DLGAP1: variants seen among roughly 807,000 people sequenced by gnomAD.
DLGAP1 encodes DLG associated protein 1, also known as disks large-associated protein 1.
In DLGAP1, 11 loss-of-function variants were observed where a neutral mutation model predicts 90.8. The observed-to-expected ratio is 0.12, with a 90% confidence interval of 0.08 to 0.20. The LOEUF (loss-of-function observed/expected upper bound fraction) is 0.20. DLGAP1 is among the 10% of genes least tolerant of loss of function. The pLI is 1.00. For missense variants in DLGAP1, 1,050 were observed against 1,333.8 expected (o/e 0.79, Z 3.31); for synonymous variants, 558 against 540.7 (o/e 1.03, Z -0.44).
chr18:3,916,331 G>A (rs1428429922), intron 3 of DLGAP1, among the ~76,000 whole-genome samples: 2 of 152,158 alleles, frequency 1.3e-5, no homozygotes, highest in Non-Finnish European at 2.9e-5. Context: ...AGGACAGCAC[G>A]TGCAATCCCA....
chr18:4,310,461 C>T (rs2080372637), intron 1 of DLGAP1, among the ~76,000 whole-genome samples: 1 of 152,172 alleles, frequency 6.6e-6, no homozygotes, highest in African/African-American at 2.4e-5. Context: ...AGTTCAATTT[C>T]CACTTCTTCA....
intron 1 of DLGAP1, among the ~76,000 whole-genome samples, chr18:4,381,725 G>A (rs1770707160): frequency 6.6e-6 from 1 of 152,098 alleles, no homozygotes; most frequent in Non-Finnish European, 1.5e-5. Flanking sequence ...ATGTTTAGGA[G>A]ATCTTTCTTG....
At chr18:4,229,946 A>C (rs1048555596) in intron 1 of DLGAP1, among the ~76,000 whole-genome samples, 14 of 152,110 alleles carry the variant, frequency 9.2e-5, no homozygotes, top group African/African-American at 3.1e-4. Context: ...CATAGGAAGA[A>C]AGTCTAATAA....
At chr18:3,875,727 C>G (rs1050454732) in intron 4 of DLGAP1, among the ~76,000 whole-genome samples, 1 of 152,176 alleles carries the variant, frequency 6.6e-6, no homozygotes, top group African/African-American at 2.4e-5. Flanking sequence ...AGTCCTGGGA[C>G]TTCCAATTCT....
At chr18:3,949,122 A>C (rs1183439004) in intron 3 of DLGAP1, among the ~76,000 whole-genome samples, 1 of 152,144 alleles carries the variant, frequency 6.6e-6, no homozygotes, top group African/African-American at 2.4e-5. Flanking sequence ...ACCTTCATAC[A>C]TGATATCATT....
At chr18:3,585,571 T>C (rs2055829563) in intron 7 of DLGAP1, among the ~76,000 whole-genome samples, 1 of 152,228 alleles carries the variant, frequency 6.6e-6, no homozygotes, top group African/African-American at 2.4e-5. Flanking sequence ...TATTCCAACA[T>C]CAAATGTCTG....
At chr18:4,111,991 G>GT (rs1406429229) in intron 2 of DLGAP1, among the ~76,000 whole-genome samples, 1 of 150,724 alleles carries the variant, frequency 6.6e-6, no homozygotes, top group Non-Finnish European at 1.5e-5. Flanking sequence ...TTTAACTTTA[G>GT]TTTTTTTCCT....
At chr18:3,983,400 A>G (rs1398620793) in intron 3 of DLGAP1, 1 of 152,188 alleles carries the variant, frequency 6.6e-6, no homozygotes, top group African/African-American at 2.4e-5. Flanking sequence ...TGTACTCACT[A>G]TGTGTCAGTA....
intron 1 of DLGAP1, among the ~76,000 whole-genome samples, chr18:4,221,660 A>G (rs1317969098): frequency 6.6e-6 from 1 of 152,174 alleles, no homozygotes; most frequent in Non-Finnish European, 1.5e-5. Flanking sequence ...CGGTAGTTTG[A>G]GCACAAAATC....
intron 1 of DLGAP1, among the ~76,000 whole-genome samples, chr18:4,168,891 C>A (rs2076978302): frequency 6.6e-6 from 1 of 152,098 alleles, no homozygotes; most frequent in South Asian, 2.1e-4. Flanking sequence ...GCTCTCATTT[C>A]TTTTAAAGGC....
At chr18:3,895,298 C>T (rs1379920414) in intron 3 of DLGAP1, among the ~76,000 whole-genome samples, 1 of 150,668 alleles carries the variant, frequency 6.6e-6, no homozygotes, top group Non-Finnish European at 1.5e-5. Context: ...CACACACACA[C>T]ACACACACAC....
intron 1 of DLGAP1, among the ~76,000 whole-genome samples, chr18:4,160,917 C>T (rs941785071): frequency 2.0e-5 from 3 of 151,952 alleles, no homozygotes; most frequent in South Asian, 4.1e-4. Context: ...TAAGAGATTA[C>T]GTTACTTAGC....
At chr18:4,000,838 C>A (rs1479480446) in intron 3 of DLGAP1, among the ~76,000 whole-genome samples, 2 of 152,146 alleles carry the variant, frequency 1.3e-5, no homozygotes, top group Admixed American at 6.5e-5. Context: ...GCCAAAAAAA[C>A]CTTTTTTCTT....
At chr18:3,778,669 G>A (rs961677873) in intron 5 of DLGAP1, among the ~76,000 whole-genome samples, 17 of 152,184 alleles carry the variant, frequency 1.1e-4, no homozygotes, top group African/African-American at 4.1e-4. Flanking sequence ...AAGCACCAGA[G>A]TGGATGACTT....
chr18:3,877,832 T>G (rs942475840), intron 4 of DLGAP1, among the ~76,000 whole-genome samples: 2 of 152,242 alleles, frequency 1.3e-5, no homozygotes, highest in African/African-American at 4.8e-5. Flanking sequence ...CTTATTAACA[T>G]GTAGCAACCT....
At position 3,575,592 on chromosome 18, in the gene DLGAP1, G is replaced by C. The variant is rs138942342; in HGVS notation, c.1965+6283C>G. Among the ~76,000 whole-genome samples, 17 of 152,312 alleles carry C rather than the reference G, an allele frequency of 1.1e-4. No individual in the cohort carries two copies. In the East Asian group the frequency reaches 1.7e-3, roughly 16 times the overall value. On this transcript the variant is annotated intron_variant, in intron 8 of 12. Coordinates refer to ENST00000315677, the MANE Select transcript of DLGAP1 (RefSeq NM_004746.4). ...AGGAATACGAGGTGGGAGTGGGAAA[G>C]AAGGGGAAATCTCATATTTTGCTCT...
Position 3,879,973 on chromosome 18 carries a change from G to A in DLGAP1, c.96C>T (p.Tyr32=), listed in dbSNP as rs2071108882. 1 of 1,612,578 alleles carries A rather than the reference G, an allele frequency of 6.2e-7. No homozygotes were observed. Among genetic ancestry groups the A allele is most frequent in the African/African-American group, 1.3e-5 (1 of 74,950 alleles). The change falls in exon 4 of 13, where the codon TAC becomes TAT. Residue 32 remains tyrosine (Y), a synonymous_variant. Coordinates refer to ENST00000315677, the MANE Select transcript of DLGAP1 (RefSeq NM_004746.4). The surrounding 1 kb of genome is among the most constrained non-coding windows in gnomAD (Gnocchi z 6.6). ...SLSHHSDRKP[Y]LLSPVEHHPA... is the part of the protein sequence containing the mutation. ...GGTGGTGCTCCACTGGGCTCAGCAG[G>A]TAGGGCTTGCGGTCGGAGTGGTGCG...
intron 10 of DLGAP1, among the ~76,000 whole-genome samples, chr18:3,531,446 A>G (rs961814183): frequency 2.0e-5 from 3 of 152,018 alleles, no homozygotes; most frequent in Admixed American, 6.5e-5. Context: ...TTTTAAAAAA[A>G]AAATTATTGT....
rs2079107484 is a variant in DLGAP1, at chr18:4,265,646, TCCC to T, written c.-266-114362_-266-114360del. ...CTCCCCTTCCCTCCCTCCCCTTCCC[TCCC>T]TCCCTCCCTCCCTCCCTTCCTTCCT... is the stretch of plus-strand genomic sequence containing the variant. On this transcript the variant is annotated intron_variant, in intron 1 of 12. Transcript: ENST00000315677. Among the ~76,000 whole-genome samples, 5 of 30,616 alleles carry T rather than the reference TCCC, an allele frequency of 1.6e-4. 1 individual carries two copies. Among genetic ancestry groups the T allele is most frequent in the Admixed American group, 5.2e-4 (1 of 1,932 alleles). 20.1% of individuals were successfully genotyped at this position (30,616 alleles called of 152,430 possible).
Sources: gnomAD v4.1 joint callset for allele counts (sites outside exome capture counted in the v4.1 genomes callset) on GRCh38, gnomAD v4.1.1 for gene constraint, Gnocchi (gnomAD v3.1) non-coding constraint, MANE v1.5 for transcripts, NCBI Gene and HGNC (gene_info 2026-07-23, HGNC 2026-07-21) for gene names.